MEPE: variants seen among roughly 807,000 people sequenced by gnomAD.
MEPE encodes matrix extracellular phosphoglycoprotein, also known as matrix, extracellular phosphoglycoprotein with ASARM motif (bone).
A neutral mutation model predicts 7.3 loss-of-function variants in MEPE; 7 were observed. The ratio of observed to expected loss-of-function variants is 0.95; its 90% CI spans 0.54 to 1.79. The LOEUF (loss-of-function observed/expected upper bound fraction) is 1.79. Among genes scored for constraint, MEPE ranks in the 40% most tolerant of loss-of-function variants. The pLI, the probability that MEPE is intolerant of heterozygous loss-of-function variation, is 0.00. For missense variants in MEPE, 623 were observed against 628.2 expected (o/e 0.99, Z 0.09); for synonymous variants, 214 against 213.1 (o/e 1.00, Z -0.04).
intron 3 of MEPE, 57 bp from the exon 4 acceptor site, chr4:87,844,920 T>A: frequency 7.9e-7 from 1 of 1,260,706 alleles, no homozygotes; most frequent in Non-Finnish European, 1.1e-6. Flanking sequence ...CTAAGAATTA[T>A]TATATTTTAA....
Position 87,846,443 on chromosome 4 carries a change from C to T in MEPE, c.1575C>T (p.Asp525=). 6.2e-7 allele frequency: 1 copy of T among 1,610,842 alleles called. No individual in the cohort carries two copies. Among genetic ancestry groups the T allele is most frequent in the African/African-American group, 1.3e-5 (1 of 74,878 alleles). Residue 525 remains aspartate, a synonymous_variant, in exon 4 of 4, where the codon GAC becomes GAT. Transcript: ENST00000361056. ...GCAGTTCAAGTGAGAGCGATGGTGA[C>T]TAGTCCACCAGGAGTTCCCAGCGGG... ...DSGSSSESDG[D]
Position 87,846,108 on chromosome 4 carries a change from T to G in MEPE, c.1240T>G (p.Ser414Ala), listed in dbSNP as rs74593863. The G allele has an allele frequency of 1.3e-3, 2,031 of 1,602,800 alleles. 20 individuals carry two copies. The African/African-American group carries it at 0.024, about 19-fold the overall frequency. The change falls in exon 4 of 4, where the codon TCT (serine) becomes GCT (alanine). Residue 414 changes from serine (S) to alanine (A), a missense_variant. Coordinates refer to ENST00000361056, the MANE Select transcript of MEPE (RefSeq NM_020203.6). Reference protein sequence around the residue: ...KGSTRKGVDHSNRNQATLNEK... With the variant: ...KGSTRKGVDHANRNQATLNEK... ...CAGTACCAGAAAGGGTGTAGATCATTCTAATAGGAACCAAGCAACCTTAAA... is the reference window on the plus strand; with the variant it reads ...CAGTACCAGAAAGGGTGTAGATCATGCTAATAGGAACCAAGCAACCTTAAA...
chr4:87,833,423 T>C (rs1474568896), intron 1 of MEPE, among the ~76,000 whole-genome samples: 2 of 152,188 alleles, frequency 1.3e-5, no homozygotes, highest in South Asian at 2.1e-4. Context: ...TCCTGATCTA[T>C]AAAATGCTTG....
chr4:87,841,526 T>C (rs1723012939), intron 3 of MEPE, among the ~76,000 whole-genome samples: 1 of 152,210 alleles, frequency 6.6e-6, no homozygotes, highest in Non-Finnish European at 1.5e-5. Context: ...TTGGCACTTT[T>C]GCAGACCATA....
At chr4:87,831,475 C>T (rs1722597124), upstream of MEPE, among the ~76,000 whole-genome samples, 1 of 152,080 alleles carries the variant, frequency 6.6e-6, no homozygotes, top group South Asian at 2.1e-4. Flanking sequence ...ATCCTATTAC[C>T]ATTTTTCCCC....
chr4:87,838,716 T>C (rs367865276), intron 3 of MEPE, 31 bp downstream of exon 3: 1 of 1,593,592 alleles, frequency 6.3e-7, no homozygotes, highest in Non-Finnish European at 8.6e-7. Context: ...CAAATAACTC[T>C]ATTTCAGCTC....
intron 1 of MEPE, 106 bp from the exon 2 acceptor site, chr4:87,834,597 G>T: frequency 1.2e-6 from 1 of 817,232 alleles, no homozygotes; most frequent in South Asian, 1.7e-5. Context: ...GATATGAACT[G>T]CCAAGGGGAA....
rs984243025 is a variant in MEPE, at chr4:87,839,907, T to C, written c.108+1222T>C. The C allele has an allele frequency of 7.2e-6, 11 of 1,537,742 alleles. No individual in the cohort carries two copies. In the African/African-American group the frequency reaches 1.2e-4, roughly 17 times the overall value. ...TTCTGTCTTATGGCTGGCACTTTTGTCCCTTCCCTCCCTCCCCAGGCTCCT... is the reference window on the plus strand; with the variant it reads ...TTCTGTCTTATGGCTGGCACTTTTGCCCCTTCCCTCCCTCCCCAGGCTCCT... On this transcript the variant is annotated intron_variant, in intron 3 of 3. Coordinates refer to ENST00000361056, the MANE Select transcript of MEPE (RefSeq NM_020203.6).
intron 1 of MEPE, among the ~76,000 whole-genome samples, chr4:87,826,819 T>C (rs780558539): frequency 4.6e-5 from 7 of 152,216 alleles, no homozygotes; most frequent in East Asian, 1.9e-4. Context: ...TTATGTTCTT[T>C]CCCCACTTTT....
chr4:87,833,772 T>G (rs1235222761), intron 1 of MEPE, among the ~76,000 whole-genome samples: 1 of 152,204 alleles, frequency 6.6e-6, no homozygotes, highest in Non-Finnish European at 1.5e-5. Flanking sequence ...AACAAATACC[T>G]TTATTTGTAA....
At chr4:87,822,169 G>A (rs1275157425) in intron 1 of MEPE, among the ~76,000 whole-genome samples, 1 of 152,082 alleles carries the variant, frequency 6.6e-6, no homozygotes. Context: ...TTTCCTTCTT[G>A]GCAGTAGAAC....
Position 87,845,340 on chromosome 4 carries a change from G to A in MEPE, c.472G>A (p.Val158Met), listed in dbSNP as rs142077350. Residue 158 changes from valine (V) to methionine (M), a missense_variant, in exon 4 of 4, where the codon GTG (valine) becomes ATG (methionine). Transcript: ENST00000361056. Reference protein sequence around the residue: ...RNNMQHIMGPVTAIKLLGEEN... With the variant: ...RNNMQHIMGPMTAIKLLGEEN... ...TAACATGCAACATATAATGGGGCCA[G>A]TGACTGCGATTAAACTCCTGGGGGA... 7 of 1,613,882 alleles carry A rather than the reference G, an allele frequency of 4.3e-6. No homozygotes were observed. The African/African-American group carries it at 8.0e-5, about 18-fold the overall frequency.
chr4:87,839,537 C>T (rs1722929678), intron 3 of MEPE: 2 of 617,778 alleles, frequency 3.2e-6, no homozygotes, highest in African/African-American at 3.7e-5. Context: ...GACACACACC[C>T]TCCTGTGGTT....
At chr4:87,844,151 T>A (rs987476988) in intron 3 of MEPE, among the ~76,000 whole-genome samples, 1 of 152,174 alleles carries the variant, frequency 6.6e-6, no homozygotes, top group African/African-American at 2.4e-5. Flanking sequence ...ATGGCAACAC[T>A]CTCTGGAAAC....
rs1012135827 is a variant in MEPE at position 87,846,011 on chromosome 4, G to A, written c.1143G>A (p.Glu381=). ...ATTACCCTCCTGCACCCTCAAAAGA[G>A]AAAAGAAAAGAAGGCAGTAGTGATG... ...EFHYPPAPSK[E]KRKEGSSDAA... Residue 381 remains glutamate, a synonymous_variant, in exon 4 of 4, where the codon GAG becomes GAA. Coordinates refer to ENST00000361056, the MANE Select transcript of MEPE (RefSeq NM_020203.6). The A allele has an allele frequency of 5.0e-6, 8 of 1,613,798 alleles. No homozygotes were observed. The highest frequency in any genetic ancestry group is 6.8e-6 in the Non-Finnish European group (8 of 1,179,942).
chr4:87,837,158 C>T (rs529177319), intron 2 of MEPE, among the ~76,000 whole-genome samples: 1 of 152,078 alleles, frequency 6.6e-6, no homozygotes. Flanking sequence ...AACAGAAAAG[C>T]CAACCAGGGG....
upstream of MEPE, among the ~76,000 whole-genome samples, chr4:87,830,611 A>G (rs2109991962): frequency 6.6e-6 from 1 of 152,256 alleles, no homozygotes; most frequent in South Asian, 2.1e-4. Flanking sequence ...AGAGGAACAG[A>G]AAAGATAACT....
At chr4:87,841,274 A>G (rs1350503412) in intron 3 of MEPE, among the ~76,000 whole-genome samples, 1 of 152,226 alleles carries the variant, frequency 6.6e-6, no homozygotes, top group East Asian at 1.9e-4. Context: ...ACAAACAACA[A>G]TGAACTTGAT....
At chr4:87,843,174 T>C (rs892713369) in intron 3 of MEPE, among the ~76,000 whole-genome samples, 3 of 152,232 alleles carry the variant, frequency 2.0e-5, no homozygotes, top group African/African-American at 4.8e-5. Flanking sequence ...CATTACTGGA[T>C]ACTGCAAAAG....
Sources: allele counts gnomAD v4.1 joint callset (sites outside exome capture counted in the v4.1 genomes callset), GRCh38; gene constraint gnomAD v4.1.1; transcripts MANE v1.5; gene names NCBI Gene and HGNC (gene_info 2026-07-23, HGNC 2026-07-21).